UGT1A5: variants seen among roughly 807,000 people sequenced by gnomAD.
UGT1A5 encodes the protein UDP-glucuronosyltransferase 1A5.
In UGT1A5, 29 loss-of-function variants were observed where a neutral mutation model predicts 40.3. That is an observed-to-expected ratio of 0.72 (90% CI 0.54 to 0.98). The LOEUF (loss-of-function observed/expected upper bound fraction) is 0.98, where lower values mean the gene tolerates loss of function less well. Ranked by LOEUF, UGT1A5 falls within the 50% of genes least tolerant of loss-of-function variation. UGT1A5 has a pLI of 0.00. For synonymous variants in UGT1A5, 257 were observed against 262.5 expected (o/e 0.98, Z 0.20); for missense variants, 678 against 677.9 (o/e 1.00, Z 0.00).
At chr2:233,730,107 G>C (rs2077985691) in intron 1 of UGT1A5, 1 of 1,570,754 alleles carries the variant, frequency 6.4e-7, no homozygotes. Flanking sequence ...TTTCATTTCT[G>C]CTTCTCCTTG....
chr2:233,725,139 A>G lies in UGT1A5; in HGVS notation c.867+11281A>G, dbSNP rs1329392712. ...TGCAGTGAGCCGAGATGGCAGCAGTACAGTCCAGCTTCGGCTCTGCATGAG... is the reference window on the plus strand; with the variant it reads ...TGCAGTGAGCCGAGATGGCAGCAGTGCAGTCCAGCTTCGGCTCTGCATGAG... On this transcript the variant is annotated intron_variant, in intron 1 of 4. Transcript: ENST00000373414. Among the ~76,000 whole-genome samples, 4 of 132,800 alleles carry G rather than the reference A, an allele frequency of 3.0e-5. 1 individual carries two copies. The highest frequency in any genetic ancestry group is 6.3e-5 in the Non-Finnish European group (4 of 63,650). The allele number at this position is 132,800 out of a possible 152,430, so 87.1% of individuals were successfully genotyped here. A position where few individuals can be genotyped will look rare whatever the true frequency, so the allele number is the denominator to read the frequency against.
rs12471326 is a variant in UGT1A5 at position 233,767,812 on chromosome 2, T to C, written c.1000-37T>C. ...AGATTTGTTTTCTAATCATATTATGTTCTTTCTTTACGTTCTGCTCTTTTT... is the reference window on the plus strand; with the variant it reads ...AGATTTGTTTTCTAATCATATTATGCTCTTTCTTTACGTTCTGCTCTTTTT... On this transcript the variant is annotated intron_variant, in intron 2 of 4. Transcript: ENST00000373414. The C allele has an allele frequency of 0.03, 48,630 of 1,614,140 alleles. 974 individuals are homozygous for C. The highest frequency in any genetic ancestry group is 0.09 in the Admixed American group (5,377 of 60,016).
chr2:233,716,902 C>A (rs2076532404), intron 1 of UGT1A5, among the ~76,000 whole-genome samples: 1 of 152,154 alleles, frequency 6.6e-6, no homozygotes, highest in African/African-American at 2.4e-5. Context: ...TCCTCATCTC[C>A]AGACCCTGGA....
At chr2:233,735,935 C>T (rs1483779972) in intron 1 of UGT1A5, among the ~76,000 whole-genome samples, 1 of 151,986 alleles carries the variant, frequency 6.6e-6, no homozygotes, top group Non-Finnish European at 1.5e-5. Context: ...CTGTGGCTGC[C>T]CTTAACATTT....
intron 1 of UGT1A5, among the ~76,000 whole-genome samples, chr2:233,725,204 A>C (rs1419475317): frequency 1.4e-4 from 12 of 85,222 alleles, no homozygotes; most frequent in African/African-American, 6.2e-4. Flanking sequence ...AGGCAGAGGC[A>C]GAGGCAGAGG....
chr2:233,749,297 T>C (rs761343175), intron 1 of UGT1A5, among the ~76,000 whole-genome samples: 35 of 151,972 alleles, frequency 2.3e-4, no homozygotes, highest in Non-Finnish European at 4.0e-4. Flanking sequence ...TATTCAATTA[T>C]AAAATATGTG....
chr2:233,760,284 C>T lies in UGT1A5; in HGVS notation c.868-6750C>T, dbSNP rs752018052. On this transcript the variant is annotated intron_variant, in intron 1 of 4. Coordinates refer to ENST00000373414, the MANE Select transcript of UGT1A5 (RefSeq NM_019078.2). ...GGCGAACCTCTGGCAGGAGCAAAGG[C>T]GCCATGGCTGTGGAGTCCCAGGGCG... The T allele has an allele frequency of 5.6e-6, 9 of 1,612,882 alleles. No homozygotes were observed. Among genetic ancestry groups the T allele is most frequent in the Middle Eastern group, 1.9e-4 (1 of 5,180 alleles).
At chr2:233,763,150 C>G (rs1298092077) in intron 1 of UGT1A5, among the ~76,000 whole-genome samples, 1 of 152,214 alleles carries the variant, frequency 6.6e-6, no homozygotes, top group Non-Finnish European at 1.5e-5. Context: ...CCATAAAAGT[C>G]TAAGTGGTGA....
intron 1 of UGT1A5, among the ~76,000 whole-genome samples, chr2:233,715,690 T>C (rs568505500): frequency 8.8e-4 from 134 of 152,264 alleles, no homozygotes; most frequent in African/African-American, 3.1e-3. Flanking sequence ...GAGGATCACT[T>C]GATCCCAGGA....
intron 1 of UGT1A5, among the ~76,000 whole-genome samples, chr2:233,751,182 A>C (rs1481520525): frequency 1.3e-5 from 2 of 151,938 alleles, no homozygotes; most frequent in African/African-American, 4.9e-5. Flanking sequence ...ATGAGACATG[A>C]AGTTAAAGGT....
At chr2:233,724,652 A>G (rs1267696968) in intron 1 of UGT1A5, among the ~76,000 whole-genome samples, 1 of 140,816 alleles carries the variant, frequency 7.1e-6, no homozygotes, top group Non-Finnish European at 1.5e-5. Flanking sequence ...GCGGCTGGGA[A>G]GAGGCGCTCC....
chr2:233,721,938 A>G (rs2076981722), intron 1 of UGT1A5: 13 of 361,422 alleles, frequency 3.6e-5, no homozygotes, highest in South Asian at 2.7e-4. Flanking sequence ...TCCTTCAGAC[A>G]CTTGGTGGCT....
At chr2:233,761,197 G>C in intron 1 of UGT1A5, 1 of 1,614,114 alleles carries the variant, frequency 6.2e-7, no homozygotes, top group Non-Finnish European at 8.5e-7. Context: ...TCTTTCAGAT[G>C]TATTACTTTG....
In UGT1A5 at chr2:233,749,593, A is replaced by G. The variant is rs751828786; in HGVS notation, c.868-17441A>G. Among the ~76,000 whole-genome samples the G allele has an allele frequency of 2.6e-5, 4 of 151,948 alleles. No individual in the cohort carries two copies. In the South Asian group the frequency reaches 8.3e-4, roughly 32 times the overall value. On this transcript the variant is annotated intron_variant, in intron 1 of 4. Coordinates refer to ENST00000373414, the MANE Select transcript of UGT1A5 (RefSeq NM_019078.2). ...GGCCACTGACTCTGTCTCAACATGA[A>G]GTCACACTAGATTTATCATGATTTG... is the stretch of plus-strand genomic sequence containing the variant.
chr2:233,729,457 T>C, intron 1 of UGT1A5: 1 of 1,614,120 alleles, frequency 6.2e-7, no homozygotes, highest in Non-Finnish European at 8.5e-7. Flanking sequence ...GAAGAAATTT[T>C]TCAGAAGTAT....
chr2:233,736,183 A>G (rs2078741283), intron 1 of UGT1A5, among the ~76,000 whole-genome samples: 2 of 152,176 alleles, frequency 1.3e-5, no homozygotes, highest in Non-Finnish European at 2.9e-5. Context: ...ACATAGTCCC[A>G]TATTTCTTCA....
At chr2:233,718,658 G>A (rs3732218) in intron 1 of UGT1A5, 145,084 of 1,529,416 alleles carry the variant, frequency 0.095, 7,812 homozygotes, top group South Asian at 0.19. Flanking sequence ...ACGAAAGGCA[G>A]TTATAGATTA....
chr2:233,770,451 C>T (rs565936223), intron 4 of UGT1A5: 5 of 152,088 alleles, frequency 3.3e-5, no homozygotes, highest in Admixed American at 1.3e-4. Flanking sequence ...GTTAGGAGTT[C>T]GAAACCAACC....
rs569277751 is a variant in UGT1A5 at position 233,714,539 on chromosome 2, G to A, written c.867+681G>A. ...TAGGTTAACTTCATGGTCTAATACC[G>A]AAGTGTCCAATAGAAATATCATGTA... On this transcript the variant is annotated intron_variant, in intron 1 of 4. Transcript: ENST00000373414. Among the ~76,000 whole-genome samples the A allele has an allele frequency of 4.3e-4, 65 of 152,304 alleles. 2 individuals are homozygous for A. The South Asian group carries it at 7.5e-3, about 18-fold the overall frequency.
Sources: gnomAD v4.1 joint callset for allele counts (sites outside exome capture counted in the v4.1 genomes callset) on GRCh38, gnomAD v4.1.1 for gene constraint, MANE v1.5 for transcripts, NCBI Gene and HGNC (gene_info 2026-07-23, HGNC 2026-07-21) for gene names.